The following THSD7B variants were observed in gnomAD, a reference collection of about 807,000 sequenced individuals.
The protein encoded by THSD7B is thrombospondin type 1 domain containing 7B.
A neutral mutation model predicts 213.6 loss-of-function variants in THSD7B; 138 were observed. That is an observed-to-expected ratio of 0.65 (90% CI 0.56 to 0.74). The LOEUF (loss-of-function observed/expected upper bound fraction) is 0.74. Among genes scored for constraint, THSD7B ranks in the 30% least tolerant of loss-of-function variants. THSD7B has a pLI of 0.00. For missense variants in THSD7B, 1,931 were observed against 1,991.5 expected, an observed-to-expected ratio of 0.97 and a Z score of 0.58; for synonymous variants, 742 against 687.0, an observed-to-expected ratio of 1.08 and a Z score of -1.25.
chr2:137,043,906 C>T (rs1311151062), intron 2 of THSD7B, among the ~76,000 whole-genome samples: 1 of 152,224 alleles, frequency 6.6e-6, no homozygotes, highest in Non-Finnish European at 1.5e-5. Flanking sequence ...ACACACATCT[C>T]TCCCATCCTT....
intron 12 of THSD7B, among the ~76,000 whole-genome samples, chr2:137,337,166 A>G (rs1010072925): frequency 6.6e-6 from 1 of 152,080 alleles, no homozygotes; most frequent in African/African-American, 2.4e-5. Context: ...ATTAATATTC[A>G]GAACTTATTC....
intron 3 of THSD7B, among the ~76,000 whole-genome samples, chr2:137,086,621 C>G (rs1394514639): frequency 6.6e-6 from 1 of 152,166 alleles, no homozygotes; most frequent in Non-Finnish European, 1.5e-5. Context: ...TTCATTGATT[C>G]CAATTATTAG....
Position 137,224,716 on chromosome 2 carries a change from G to C in THSD7B, c.1724-6328G>C, listed in dbSNP as rs563308209. ...AGATGGAGTCTCGCTCTGTCGCCCA[G>C]GCTGGAGTGCAGTGGCGCGATCTCG... On this transcript the variant is annotated intron_variant, in intron 7 of 27. Transcript: ENST00000409968. Among the ~76,000 whole-genome samples the C allele has an allele frequency of 7.2e-5, 11 of 152,158 alleles. 1 individual carries two copies. The highest frequency in any genetic ancestry group is 7.2e-4 in the Admixed American group (11 of 15,292).
At chr2:137,496,394 G>C (rs1375362) in intron 15 of THSD7B, among the ~76,000 whole-genome samples, 1 of 152,040 alleles carries the variant, frequency 6.6e-6, no homozygotes, top group Non-Finnish European at 1.5e-5. Context: ...TAAAATCTAG[G>C]CATGTTAATA....
intron 2 of THSD7B, among the ~76,000 whole-genome samples, chr2:136,942,781 T>A (rs534007477): frequency 2.4e-4 from 37 of 152,318 alleles, no homozygotes; most frequent in African/African-American, 8.4e-4. Flanking sequence ...AAATGTACAA[T>A]CATGTCATCT....
chr2:137,671,347 A>ATAAT (rs2104830824), intron 27 of THSD7B, among the ~76,000 whole-genome samples: 1 of 152,032 alleles, frequency 6.6e-6, no homozygotes, highest in African/African-American at 2.4e-5. Context: ...TTTCTGAAAG[A>ATAAT]TAATTTTAGG....
intron 2 of THSD7B, among the ~76,000 whole-genome samples, chr2:136,961,207 A>C (rs1474433582): frequency 6.9e-6 from 1 of 144,124 alleles, no homozygotes; most frequent in Non-Finnish European, 1.5e-5. Flanking sequence ...GGTATTATTG[A>C]CATGTATTTT....
intron 4 of THSD7B, among the ~76,000 whole-genome samples, chr2:137,106,113 G>C (rs952332622): frequency 3.9e-5 from 6 of 152,156 alleles, no homozygotes; most frequent in Admixed American, 3.9e-4. Flanking sequence ...AAGGAACAAA[G>C]CTGGAGGAAT....
rs1558834393 is a variant in THSD7B, at chr2:137,546,435, T to TATATATTA, written c.3139-16786_3139-16785insATATATTA. Among the ~76,000 whole-genome samples, 2 of 32,734 alleles carry TATATATTA rather than the reference T, an allele frequency of 6.1e-5. 1 individual carries two copies. Among genetic ancestry groups the TATATATTA allele is most frequent in the Non-Finnish European group, 9.2e-5 (2 of 21,644 alleles). 21.5% of individuals were successfully genotyped at this position (32,734 alleles called of 152,430 possible). On this transcript the variant is annotated intron_variant, in intron 15 of 27. Transcript: ENST00000409968. ...ATATATTATATATATTATATATATA[T>TATATATTA]TATATATATTATATATATATTATAT...
chr2:136,771,286 G>A (rs1481190159), intron 1 of THSD7B, among the ~76,000 whole-genome samples: 1 of 151,976 alleles, frequency 6.6e-6, no homozygotes, highest in Non-Finnish European at 1.5e-5. Context: ...GAGAGGCAAG[G>A]GATGTTAATG....
intron 14 of THSD7B, among the ~76,000 whole-genome samples, chr2:137,450,441 A>G (rs1687625493): frequency 6.6e-6 from 1 of 152,222 alleles, no homozygotes; most frequent in Non-Finnish European, 1.5e-5. Context: ...TTTTAAGTGA[A>G]AGCCTTGCAG....
At chr2:137,026,641 C>T in intron 2 of THSD7B, among the ~76,000 whole-genome samples, 1 of 152,112 alleles carries the variant, frequency 6.6e-6, no homozygotes, top group Non-Finnish European at 1.5e-5. Context: ...GTCTGCTTTG[C>T]TTCTTTGCTT....
At chr2:136,954,791 C>G (rs1377490726) in intron 2 of THSD7B, among the ~76,000 whole-genome samples, 3 of 148,880 alleles carry the variant, frequency 2.0e-5, no homozygotes, top group Non-Finnish European at 4.5e-5. Flanking sequence ...GACTGTTATA[C>G]TAGACTGTGA....
intron 25 of THSD7B, among the ~76,000 whole-genome samples, chr2:137,660,027 C>T (rs184518305): frequency 5.8e-4 from 88 of 152,240 alleles, no homozygotes; most frequent in African/African-American, 1.9e-3. Flanking sequence ...TGACTTATGT[C>T]TTCTCTTCTT....
rs1177852510 is a variant in THSD7B at position 136,818,486 on chromosome 2, A to G, written c.-36+52799A>G. Among the ~76,000 whole-genome samples the G allele has an allele frequency of 2.6e-5, 4 of 151,836 alleles. No individual in the cohort carries two copies. The East Asian group carries it at 5.8e-4, about 22-fold the overall frequency. Reference sequence around the variant, plus strand: ...TGGGTGCAGTGCACCAGCATGGCACATGTATACATATGTAACTAACCTGCA... The same window carrying G: ...TGGGTGCAGTGCACCAGCATGGCACGTGTATACATATGTAACTAACCTGCA... On this transcript the variant is annotated intron_variant, in intron 1 of 27. Transcript: ENST00000409968.
At chr2:137,631,793 T>C (rs935017568) in intron 20 of THSD7B, among the ~76,000 whole-genome samples, 2 of 152,104 alleles carry the variant, frequency 1.3e-5, no homozygotes, top group African/African-American at 4.8e-5. Flanking sequence ...AACTCGACGA[T>C]CTGTGTTTTA....
At chr2:137,328,581 G>A (rs1267111088) in intron 12 of THSD7B, among the ~76,000 whole-genome samples, 3 of 152,190 alleles carry the variant, frequency 2.0e-5, no homozygotes, top group Non-Finnish European at 4.4e-5. Context: ...GCAGACTGGT[G>A]TTTTGTCTAG....
intron 5 of THSD7B, among the ~76,000 whole-genome samples, chr2:137,143,696 C>T (rs1038506778): frequency 6.6e-6 from 1 of 152,056 alleles, no homozygotes; most frequent in Non-Finnish European, 1.5e-5. Flanking sequence ...ACACGCTGAC[C>T]TTTCATGCAT....
intron 7 of THSD7B, among the ~76,000 whole-genome samples, chr2:137,221,976 T>C (rs1681381227): frequency 6.6e-6 from 1 of 152,240 alleles, no homozygotes; most frequent in Non-Finnish European, 1.5e-5. Context: ...ATGAGTAATA[T>C]TATTTCTGAC....
Sources: gnomAD v4.1 joint callset for allele counts (sites outside exome capture counted in the v4.1 genomes callset) on GRCh38, gnomAD v4.1.1 for gene constraint, MANE v1.5 for transcripts, NCBI Gene and HGNC (gene_info 2026-07-23, HGNC 2026-07-21) for gene names.